FBXL13: variants seen among roughly 807,000 people sequenced by gnomAD.
FBXL13 encodes the protein F-box and leucine rich repeat protein 13.
In FBXL13, 67 loss-of-function variants were observed where a neutral mutation model predicts 83.6. The ratio of observed to expected loss-of-function variants is 0.80; its 90% CI spans 0.66 to 0.98. The LOEUF (loss-of-function observed/expected upper bound fraction) is 0.98. Ranked by LOEUF, FBXL13 falls within the 50% of genes least tolerant of loss-of-function variation. FBXL13 has a pLI of 0.00. For missense variants in FBXL13, 822 were observed against 866.5 expected, an observed-to-expected ratio of 0.95 and a Z score of 0.64; for synonymous variants, 272 against 299.5, an observed-to-expected ratio of 0.91 and a Z score of 0.95.
chr7:103,060,747 ATAAT>A (rs1797823152), intron 1 of FBXL13, among the ~76,000 whole-genome samples: 1 of 152,250 alleles, frequency 6.6e-6, no homozygotes, highest in African/African-American at 2.4e-5. Context: ...AATATAAAAA[ATAAT>A]TACTCCAAAA....
intron 6 of FBXL13, among the ~76,000 whole-genome samples, chr7:102,991,612 T>C (rs1353417790): frequency 1.3e-5 from 2 of 152,178 alleles, no homozygotes; most frequent in African/African-American, 4.8e-5. Flanking sequence ...AAGAGCAAGT[T>C]GGCAGTTCTC....
chr7:102,883,452 G>A, exon 14 of FBXL13: 2 of 1,609,510 alleles, frequency 1.2e-6, no homozygotes, highest in South Asian at 1.1e-5. Flanking sequence ...GGATGCATCA[G>A]TAACCCTTTT....
Position 102,909,448 on chromosome 7 carries a change from C to T in FBXL13, c.1008+3638G>A, listed in dbSNP as rs76880505. On this transcript the variant is annotated intron_variant, in intron 11 of 19. Coordinates refer to ENST00000313221, the Ensembl canonical transcript of FBXL13. ...GACTGTCCCCACTGCTTTTCCCTCG[C>T]AAGCAAGAGTTTTGCCCCATAGCTA... Among the ~76,000 whole-genome samples the T allele has an allele frequency of 2.3e-3, 356 of 152,216 alleles. 9 individuals are homozygous for T. In the East Asian group the frequency reaches 0.05, roughly 21 times the overall value.
intron 17 of FBXL13, among the ~76,000 whole-genome samples, chr7:102,834,032 T>TGAAGGAAGGAAGGAAGGAAGGAAGGAAG (rs199540401): frequency 1.1e-4 from 8 of 75,466 alleles, no homozygotes; most frequent in South Asian, 4.8e-4. Context: ...GAAACCATGA[T>TGAAGGAAGGAAGGAAGGAAGGAAGGAAG]GAAGGAAGGA....
rs1826996386 is a variant in FBXL13 at position 102,973,468 on chromosome 7, C to G, written c.496-5351G>C. On this transcript the variant is annotated intron_variant, in intron 6 of 19. Transcript: ENST00000313221. ...TCCTGTTTACGGAAGACTATAAAAC[C>G]CTGCCCCCTACTCATTTGGTGCTGA... 5.3e-6 allele frequency: 4 copies of G among 756,446 alleles called. No homozygotes were observed. In the Admixed American group the frequency reaches 7.0e-5, roughly 13 times the overall value. The allele number at this position is 756,446 out of a possible 1,614,324, so 46.9% of individuals were successfully genotyped here.
At chr7:102,834,083 A>AGGAAGGAAGGAAGGAAGGAAGGAAGGG (rs59612262) in intron 17 of FBXL13, among the ~76,000 whole-genome samples, 1 of 88,848 alleles carries the variant, frequency 1.1e-5, no homozygotes, top group African/African-American at 6.1e-5. Flanking sequence ...GAAGGAAGGA[A>AGGAAGGAAGGAAGGAAGGAAGGAAGGG]AGAAAAGAAA....
intron 6 of FBXL13, 74 bp from the exon 8 acceptor site, chr7:102,968,191 G>T: frequency 1.0e-6 from 1 of 983,438 alleles, no homozygotes; most frequent in Admixed American, 1.8e-5. Flanking sequence ...CCTTTTGTCT[G>T]TGTGTGTGCA....
At chr7:102,975,937 G>A (rs777450473) in intron 6 of FBXL13, 1 of 764,736 alleles carries the variant, frequency 1.3e-6, no homozygotes, top group East Asian at 2.4e-5. Flanking sequence ...AAGCCTCCTA[G>A]CAATCCACCT....
chr7:103,028,838 C>A lies in FBXL13; in HGVS notation c.69-90G>T, dbSNP rs13234367. The A allele has an allele frequency of 2.7e-6, 3 of 1,121,144 alleles. No homozygotes were observed. In the South Asian group the frequency reaches 8.0e-5, roughly 30 times the overall value. 69.4% of individuals were successfully genotyped at this position (1,121,144 alleles called of 1,614,324 possible). A position where few individuals can be genotyped will look rare whatever the true frequency, so the allele number is the denominator to read the frequency against. On this transcript the variant is annotated intron_variant, in intron 3 of 19. Transcript: ENST00000313221. ...AATTAAGGAGAACAAAGAATGATAT[C>A]TCCTTTATGACCTCAAAAACCACAG...
intron 17 of FBXL13, among the ~76,000 whole-genome samples, chr7:102,851,597 C>T (rs2129451107): frequency 6.7e-6 from 1 of 149,448 alleles, no homozygotes; most frequent in Middle Eastern, 3.5e-3. Flanking sequence ...CTCTCTCTTT[C>T]TATTCCTACT....
At chr7:102,956,207 T>C (rs1824245538) in intron 8 of FBXL13, among the ~76,000 whole-genome samples, 1 of 152,144 alleles carries the variant, frequency 6.6e-6, no homozygotes, top group African/African-American at 2.4e-5. Context: ...GCTTCATCCC[T>C]GGAATGCAAG....
At chr7:103,061,937 CAA>C (rs768909275) in intron 1 of FBXL13, among the ~76,000 whole-genome samples, 2 of 34,802 alleles carry the variant, frequency 5.7e-5, no homozygotes, top group Admixed American at 2.9e-4. Context: ...GACTGCGTCT[CAA>C]AAAAAAAAAA....
chr7:102,971,594 C>CAAA lies in FBXL13; in HGVS notation c.496-3480_496-3478dup, dbSNP rs11447254. On this transcript the variant is annotated intron_variant, in intron 6 of 19. Transcript: ENST00000313221. ...AGGCAATAAGAGCGAAACTCCGTCTCAAAAAAAAAAAAAAAAAGACATTTT... is the reference window on the plus strand; with the variant it reads ...AGGCAATAAGAGCGAAACTCCGTCTCAAAAAAAAAAAAAAAAAAAAGACATTTT... 3.4e-3 allele frequency among the ~76,000 whole-genome samples: 391 copies of CAAA among 115,004 alleles called. 7 individuals are homozygous for CAAA. Among genetic ancestry groups the CAAA allele is most frequent in the African/African-American group, 0.013 (384 of 28,974 alleles). The allele number at this position is 115,004 out of a possible 152,430, so 75.4% of individuals were successfully genotyped here. A position where few individuals can be genotyped will look rare whatever the true frequency, so the allele number is the denominator to read the frequency against.
chr7:102,895,566 C>G (rs568253065), intron 11 of FBXL13, among the ~76,000 whole-genome samples: 2 of 152,284 alleles, frequency 1.3e-5, no homozygotes, highest in South Asian at 4.1e-4. Context: ...GCCTTGCTTC[C>G]CAGCATGTCT....
exon 8 of FBXL13, chr7:102,963,592 T>C (rs1436646422): frequency 6.2e-7 from 1 of 1,613,192 alleles, no homozygotes; most frequent in Non-Finnish European, 8.5e-7. Context: ...ACGCAGCACA[T>C]TTAAACGCCA....
chr7:103,062,197 C>T (rs189280548), intron 1 of FBXL13, among the ~76,000 whole-genome samples: 2 of 152,222 alleles, frequency 1.3e-5, no homozygotes, highest in Non-Finnish European at 2.9e-5. Flanking sequence ...GATACAATCA[C>T]TAGGTGTATC....
At chr7:102,984,293 G>A (rs990638305) in intron 6 of FBXL13, among the ~76,000 whole-genome samples, 2 of 152,100 alleles carry the variant, frequency 1.3e-5, no homozygotes. Context: ...ACCAAAATCT[G>A]TATTAGTCTG....
intron 6 of FBXL13, among the ~76,000 whole-genome samples, chr7:103,008,519 G>A (rs910986463): frequency 1.3e-5 from 2 of 152,250 alleles, no homozygotes; most frequent in Admixed American, 6.5e-5. Context: ...GTTTGAGATT[G>A]CTAAAAATGA....
At chr7:102,999,047 T>C (rs959716825) in intron 6 of FBXL13, among the ~76,000 whole-genome samples, 2 of 152,098 alleles carry the variant, frequency 1.3e-5, no homozygotes, top group Admixed American at 1.3e-4. Flanking sequence ...ACGACGTTAG[T>C]TGTGGGTTCA....
Sources: allele counts gnomAD v4.1 joint callset (sites outside exome capture counted in the v4.1 genomes callset), GRCh38; gene constraint gnomAD v4.1.1; transcripts MANE v1.5; gene names NCBI Gene and HGNC (gene_info 2026-07-23, HGNC 2026-07-21).